The following CCDC157 variants were observed in gnomAD, a reference collection of about 807,000 sequenced individuals.
The protein encoded by CCDC157 is coiled-coil domain-containing protein 157.
CCDC157 carries 60 observed loss-of-function variants against 70.9 expected under a neutral mutation model. That is an observed-to-expected ratio of 0.85 (90% CI 0.69 to 1.05). The LOEUF is 1.05. Ranked by LOEUF, CCDC157 falls within the 50% of genes least tolerant of loss-of-function variation. The pLI is 0.00. For missense variants in CCDC157, 943 were observed against 984.2 expected, an observed-to-expected ratio of 0.96 and a Z score of 0.56; for synonymous variants, 373 against 422.4, an observed-to-expected ratio of 0.88 and a Z score of 1.43.
chr22:30,357,160 C>A, intron 1 of CCDC157, 28 bp downstream of exon 1: 1 of 199,546 alleles, frequency 5.0e-6, no homozygotes, highest in Non-Finnish European at 1.0e-5. Flanking sequence ...ACCCGCCGGA[C>A]CCCCGCCGCA....
At position 30,370,967 on chromosome 22, in the gene CCDC157, C is replaced by T. The variant is rs750032641; in HGVS notation, c.1045+17C>T. The T allele has an allele frequency of 8.8e-6, 14 of 1,595,594 alleles. No homozygotes were observed. The Admixed American group carries it at 1.5e-4, about 18-fold the overall frequency. ...TGCTCACAGGTCTGTGCCCCAGAGG[C>T]CAGACGCCTGGTGCCCAGGGGCTCT... is the stretch of plus-strand genomic sequence containing the variant. On this transcript the variant is annotated intron_variant, in intron 5 of 11. Coordinates refer to ENST00000338306, the MANE Select transcript of CCDC157 (RefSeq NM_001017437.5).
chr22:30,361,221 C>G (rs1932317893), intron 1 of CCDC157, among the ~76,000 whole-genome samples: 1 of 136,858 alleles, frequency 7.3e-6, no homozygotes, highest in African/African-American at 2.8e-5. Context: ...GTACTCCAGC[C>G]TGGGTGACAG....
chr22:30,372,228 C>T lies in CCDC157; in HGVS notation c.1277C>T (p.Ala426Val), dbSNP rs1427308869. ...LEGAGQQVCWASTELDKEKAR... is the reference protein window; with the variant it reads ...LEGAGQQVCWVSTELDKEKAR... The stretch of plus-strand genomic sequence containing the variant: ...GGCGCTGGCCAGCAGGTCTGCTGGG[C>T]CAGCACGGAGCTGGATAAGGAGAAG... Residue 426 changes from alanine (A) to valine (V), a missense_variant, in exon 7 of 12, where the codon GCC (alanine) becomes GTC (valine). Physicochemically the swap from Ala to Val is moderately conservative, Grantham distance 64. Transcript: ENST00000338306. 6.3e-7 allele frequency: 1 copy of T among 1,596,166 alleles called. No homozygotes were observed. Among genetic ancestry groups the T allele is most frequent in the Admixed American group, 1.7e-5 (1 of 57,182 alleles).
At chr22:30,374,580 C>A (rs1481786630) in intron 9 of CCDC157, 1 of 457,588 alleles carries the variant, frequency 2.2e-6, no homozygotes, top group Admixed American at 2.3e-5. Context: ...GTTCTCCCAG[C>A]CCCTCCAGAC....
At chr22:30,357,474 C>T (rs780944806) in intron 1 of CCDC157, among the ~76,000 whole-genome samples, 1 of 152,174 alleles carries the variant, frequency 6.6e-6, no homozygotes, top group Non-Finnish European at 1.5e-5. Flanking sequence ...GGGCCTCCCT[C>T]TCAAATCAAG....
chr22:30,360,183 T>G (rs1932231582), intron 1 of CCDC157, among the ~76,000 whole-genome samples: 1 of 151,516 alleles, frequency 6.6e-6, no homozygotes, highest in South Asian at 2.1e-4. Flanking sequence ...AAAAACAGAT[T>G]AACAAGAGAA....
chr22:30,374,484 C>G (rs550531491), intron 9 of CCDC157: 1 of 468,516 alleles, frequency 2.1e-6, no homozygotes, highest in South Asian at 1.5e-5. Context: ...AAGGACACAG[C>G]CTCCAGCTGC....
rs764740206 is a variant in CCDC157 at position 30,373,894 on chromosome 22, A to G, written c.1504-29A>G. On this transcript the variant is annotated intron_variant, in intron 8 of 11. Coordinates refer to ENST00000338306, the MANE Select transcript of CCDC157 (RefSeq NM_001017437.5). Reference sequence around the variant, plus strand: ...CTGAGTACCATGTAGCTCACTCAGGAGCCAGGCCTGAGCCTCCGTCTGTCC... The same window carrying G: ...CTGAGTACCATGTAGCTCACTCAGGGGCCAGGCCTGAGCCTCCGTCTGTCC... 4.4e-6 allele frequency: 7 copies of G among 1,591,226 alleles called. No homozygotes were observed. The Admixed American group carries it at 1.2e-4, about 28-fold the overall frequency.
Position 30,376,633 on chromosome 22 carries a change from T to TG in CCDC157, c.2149dup (p.Asp717GlyfsTer56). On this transcript the variant is annotated frameshift_variant, in exon 12 of 12. Transcript: ENST00000338306. LOFTEE classifies it high-confidence loss of function. ...TCCTTGCTGGAGGGTGTGACCCACT[T>TG]GGACACCTGCACCCAGAACCCCATC... is the stretch of plus-strand genomic sequence containing the variant. The TG allele has an allele frequency of 6.2e-7, 1 of 1,613,758 alleles. No homozygotes were observed. The highest frequency in any genetic ancestry group is 8.5e-7 in the Non-Finnish European group (1 of 1,179,962).
rs536552530 is a variant in CCDC157 at position 30,370,552 on chromosome 22, C to T, written c.647C>T (p.Thr216Met). 6.1e-5 allele frequency: 99 copies of T among 1,614,100 alleles called. No homozygotes were observed. Among genetic ancestry groups the T allele is most frequent in the Non-Finnish European group, 7.6e-5 (90 of 1,180,048 alleles). The change falls in exon 5 of 12, where the codon ACG becomes ATG. Residue 216 changes from threonine (T) to methionine (M), a missense_variant. Transcript: ENST00000338306. ...TRSVHSQTIE[T>M]ALVPCDACAS... ...AGTGTCCACTCCCAGACCATTGAGA[C>T]GGCCCTGGTGCCCTGTGACGCATGC...
chr22:30,369,076 G>A (rs572638817), intron 3 of CCDC157: 18 of 167,182 alleles, frequency 1.1e-4, no homozygotes, highest in Non-Finnish European at 1.4e-4. Flanking sequence ...TGGAGGCTCC[G>A]GGCCACTGGA....
In CCDC157 at chr22:30,375,570, C is replaced by T. The variant is rs760769843; in HGVS notation, c.1764C>T (p.Asn588=). Residue 588 remains asparagine, a synonymous_variant, in exon 10 of 12, where the codon AAC becomes AAT. Coordinates refer to ENST00000338306, the MANE Select transcript of CCDC157 (RefSeq NM_001017437.5). ...TDHMERQVQS[N]DIRIRVLQEE... ...ACATGGAGAGGCAAGTGCAGTCCAA[C>T]GACATCCGCATCCGGGTCCTACAGG... 23 of 1,614,082 alleles carry T rather than the reference C, an allele frequency of 1.4e-5. No individual in the cohort carries two copies. The highest frequency in any genetic ancestry group is 4.5e-5 in the East Asian group (2 of 44,888).
At chr22:30,367,939 T>C (rs1230871922) in intron 3 of CCDC157, among the ~76,000 whole-genome samples, 1 of 152,146 alleles carries the variant, frequency 6.6e-6, no homozygotes, top group African/African-American at 2.4e-5. Context: ...TAGTCCCAGC[T>C]ACTCTGGAGG....
Position 30,375,592 on chromosome 22 carries a change from CAGG to C in CCDC157, c.1792_1794del (p.Glu598del), listed in dbSNP as rs765565110. 9.3e-6 allele frequency: 15 copies of C among 1,614,070 alleles called. 1 individual carries two copies. The highest frequency in any genetic ancestry group is 6.6e-5 in the South Asian group (6 of 91,090). ...CAACGACATCCGCATCCGGGTCCTA[CAGG>C]AGGAGAACGGGCGGCTCCAATCAAT... On this transcript the variant is annotated inframe_deletion, in exon 10 of 12. Coordinates refer to ENST00000338306, the MANE Select transcript of CCDC157 (RefSeq NM_001017437.5).
Position 30,371,681 on chromosome 22 carries a change from C to G in CCDC157, c.1077C>G (p.Thr359=). Residue 359 remains threonine, a synonymous_variant, in exon 6 of 12, where the codon ACC becomes ACG. Transcript: ENST00000338306. ...ETSDLKTKMA[T]LERELKQQRE... is the part of the protein sequence containing the mutation. ...GTGACCTAAAGACAAAGATGGCCACCCTGGAGAGAGAACTGAAACAGCAGC... is the reference window on the plus strand; with the variant it reads ...GTGACCTAAAGACAAAGATGGCCACGCTGGAGAGAGAACTGAAACAGCAGC... The G allele has an allele frequency of 2.5e-6, 4 of 1,614,174 alleles. No individual in the cohort carries two copies. The highest frequency in any genetic ancestry group is 3.4e-6 in the Non-Finnish European group (4 of 1,180,008).
rs1385786799 is a variant in CCDC157, at chr22:30,372,292, GCCAGGGCCCTCGCTAGCCTGGGCATC to G, written c.1335+7_1335+32del. On this transcript the variant is annotated splice_region_variant and intron_variant, in intron 7 of 11. Coordinates refer to ENST00000338306, the MANE Select transcript of CCDC157 (RefSeq NM_001017437.5). ...GCATGGTCCGCCACCAGGAGGTGAG[GCCAGGGCCCTCGCTAGCCTGGGCATC>G]TGCAATGTAGGCTGCAGGGAAAGAG... The G allele has an allele frequency of 6.4e-7, 1 of 1,550,518 alleles. No individual in the cohort carries two copies. Among genetic ancestry groups the G allele is most frequent in the Admixed American group, 1.9e-5 (1 of 52,202 alleles).
intron 9 of CCDC157, 153 bp downstream of exon 9, chr22:30,374,244 C>A: frequency 1.2e-6 from 1 of 857,514 alleles, no homozygotes. Flanking sequence ...GTGGACCCAC[C>A]ACAGCACGCA....
At chr22:30,365,841 G>T (rs1019605774) in intron 2 of CCDC157, 149 bp from the exon 3 acceptor site, 2 of 774,588 alleles carry the variant, frequency 2.6e-6, no homozygotes, top group African/African-American at 3.5e-5. Flanking sequence ...GAAAGGCCTT[G>T]TCACCTGGGG....
At chr22:30,362,475 G>C (rs952329098) in intron 2 of CCDC157, among the ~76,000 whole-genome samples, 3 of 152,170 alleles carry the variant, frequency 2.0e-5, no homozygotes, top group African/African-American at 4.8e-5. Flanking sequence ...CGCATTCTGG[G>C]TGGGGAGACA....
Sources: gnomAD v4.1 joint callset for allele counts (sites outside exome capture counted in the v4.1 genomes callset) on GRCh38, gnomAD v4.1.1 for gene constraint, MANE v1.5 for transcripts, NCBI Gene and HGNC (gene_info 2026-07-23, HGNC 2026-07-21) for gene names.